SYNPR: variants seen among roughly 807,000 people sequenced by gnomAD.
SYNPR encodes the protein synaptoporin.
SYNPR carries 23 observed loss-of-function variants against 32.9 expected under a neutral mutation model. The ratio of observed to expected loss-of-function variants is 0.70; its 90% CI spans 0.50 to 0.99. The LOEUF is 0.99. SYNPR is among the 50% of genes least tolerant of loss of function. The probability of loss-of-function intolerance (pLI) is 0.00; values close to 1 mark genes in which losing one functional copy is unlikely to be tolerated. For missense variants in SYNPR, 318 were observed against 349.3 expected (o/e 0.91, Z 0.71); for synonymous variants, 146 against 135.9 (o/e 1.07, Z -0.52).
In SYNPR at chr3:63,609,114, T is replaced by C; in HGVS notation, c.409-11T>C. 1.3e-6 allele frequency: 2 copies of C among 1,588,142 alleles called. No homozygotes were observed. Among genetic ancestry groups the C allele is most frequent in the Non-Finnish European group, 1.7e-6 (2 of 1,168,664 alleles). ...TCTTTTACCATTTTCTATTCTGATT[T>C]GTTTCTGTAGGACTTCATTGTCACT... On this transcript the variant is annotated splice_polypyrimidine_tract_variant and intron_variant, in intron 4 of 5. Transcript: ENST00000478300.
At chr3:63,448,875 A>G (rs904914619) in intron 2 of SYNPR, among the ~76,000 whole-genome samples, 11 of 152,210 alleles carry the variant, frequency 7.2e-5, no homozygotes, top group African/African-American at 2.7e-4. Flanking sequence ...TGTTCTAGTA[A>G]GGCATTTGCA....
At chr3:63,593,519 G>C (rs1345612989) in intron 4 of SYNPR, among the ~76,000 whole-genome samples, 1 of 152,058 alleles carries the variant, frequency 6.6e-6, no homozygotes, top group Non-Finnish European at 1.5e-5. Flanking sequence ...GAAAAGTTAA[G>C]AACAAGAAAT....
At chr3:63,397,417 T>C (rs553083563) in intron 2 of SYNPR, among the ~76,000 whole-genome samples, 1 of 152,256 alleles carries the variant, frequency 6.6e-6, no homozygotes, top group South Asian at 2.1e-4. Flanking sequence ...CAGAACTGAG[T>C]GGTCTAGAGT....
chr3:63,527,602 A>C (rs1702037066), intron 3 of SYNPR, among the ~76,000 whole-genome samples: 1 of 152,126 alleles, frequency 6.6e-6, no homozygotes, highest in Non-Finnish European at 1.5e-5. Flanking sequence ...AGAACTATCA[A>C]GAGTCCAGGC....
At chr3:63,336,028 G>A (rs1048033163) in intron 2 of SYNPR, among the ~76,000 whole-genome samples, 5 of 151,792 alleles carry the variant, frequency 3.3e-5, no homozygotes, top group East Asian at 1.9e-4. Flanking sequence ...CGCCTGCCTC[G>A]GCCTCCCATT....
chr3:63,565,847 T>C (rs1257101335), intron 4 of SYNPR, among the ~76,000 whole-genome samples: 1 of 152,202 alleles, frequency 6.6e-6, no homozygotes, highest in Non-Finnish European at 1.5e-5. Flanking sequence ...TGTCACCGTG[T>C]TCATTCCTCT....
At chr3:63,291,666 G>T (rs1287891036) in intron 2 of SYNPR, among the ~76,000 whole-genome samples, 1 of 151,946 alleles carries the variant, frequency 6.6e-6, no homozygotes, top group Non-Finnish European at 1.5e-5. Flanking sequence ...CCCAGGAGAT[G>T]AATTTGAAAT....
chr3:63,265,921 G>A (rs2086482253), intron 2 of SYNPR, among the ~76,000 whole-genome samples: 1 of 152,206 alleles, frequency 6.6e-6, no homozygotes. Flanking sequence ...TGGATTTAAA[G>A]TGGATGCATC....
At chr3:63,278,163 G>T, upstream of SYNPR, 1 of 196,658 alleles carries the variant, frequency 5.1e-6, no homozygotes, top group Non-Finnish European at 1.0e-5. Context: ...GCACGGCTGA[G>T]CCTGCACCAA....
intron 2 of SYNPR, among the ~76,000 whole-genome samples, chr3:63,407,036 A>G (rs986888059): frequency 2.6e-5 from 4 of 152,188 alleles, no homozygotes; most frequent in Admixed American, 2.6e-4. Context: ...CCAGGACCTT[A>G]TAATTGGAGG....
intron 2 of SYNPR, among the ~76,000 whole-genome samples, chr3:63,350,962 C>T (rs1269521434): frequency 3.3e-5 from 5 of 152,130 alleles, no homozygotes; most frequent in African/African-American, 1.2e-4. Flanking sequence ...GGAATCTGAC[C>T]CTCAGTTGGG....
intron 3 of SYNPR, among the ~76,000 whole-genome samples, chr3:63,510,225 T>C (rs1384800008): frequency 6.6e-6 from 1 of 152,162 alleles, no homozygotes; most frequent in Non-Finnish European, 1.5e-5. Flanking sequence ...GGTAAGGTTG[T>C]TAAAAGAAGC....
intron 2 of SYNPR, among the ~76,000 whole-genome samples, chr3:63,374,009 T>C (rs1034225307): frequency 1.3e-5 from 2 of 152,162 alleles, no homozygotes; most frequent in African/African-American, 2.4e-5. Flanking sequence ...AGGAATCAGA[T>C]CCTTTTCCGA....
intron 2 of SYNPR, among the ~76,000 whole-genome samples, chr3:63,388,489 G>T (rs1343785133): frequency 6.8e-6 from 1 of 146,120 alleles, no homozygotes; most frequent in South Asian, 2.2e-4. Context: ...CTGGGTTCAA[G>T]CGATTCTCCT....
upstream of SYNPR, among the ~76,000 whole-genome samples, chr3:63,276,251 C>A (rs1010051884): frequency 2.6e-5 from 4 of 152,122 alleles, no homozygotes; most frequent in Non-Finnish European, 5.9e-5. Flanking sequence ...CAAAACAAGA[C>A]ACATGGCTAC....
chr3:63,435,776 G>T (rs1329964470), intron 2 of SYNPR, among the ~76,000 whole-genome samples: 2 of 152,168 alleles, frequency 1.3e-5, no homozygotes, highest in African/African-American at 4.8e-5. Context: ...ATATTTGATG[G>T]TTGTATTTTA....
chr3:63,202,089 A>G, the SYNPR span, among the ~76,000 whole-genome samples: 1 of 152,128 alleles, frequency 6.6e-6, no homozygotes, highest in African/African-American at 2.4e-5. Flanking sequence ...TGGGCCTGGG[A>G]TTGAACACCT....
At chr3:63,347,655 A>G (rs963469629) in intron 2 of SYNPR, among the ~76,000 whole-genome samples, 11 of 152,160 alleles carry the variant, frequency 7.2e-5, no homozygotes, top group Non-Finnish European at 2.9e-5. Flanking sequence ...CCAAGTCTCC[A>G]AAGTCTGTTA....
Position 63,305,174 on chromosome 3 carries a change from A to G in SYNPR, c.84+26432A>G, listed in dbSNP as rs80205432. 1.8e-4 allele frequency among the ~76,000 whole-genome samples: 27 copies of G among 152,120 alleles called. No homozygotes were observed. In the East Asian group the frequency reaches 3.1e-3, roughly 18 times the overall value. ...CCTCCAGGCAATAGCCAGGGAGGGA[A>G]TGAGCCTATGTACAATCTCATGAGT... On this transcript the variant is annotated intron_variant, in intron 2 of 5. Transcript: ENST00000478300.
Sources: allele counts gnomAD v4.1 joint callset (sites outside exome capture counted in the v4.1 genomes callset), GRCh38; gene constraint gnomAD v4.1.1; transcripts MANE v1.5; gene names NCBI Gene and HGNC (gene_info 2026-07-23, HGNC 2026-07-21).